The following ING5 variants were observed in gnomAD, a reference collection of about 807,000 sequenced individuals.
The protein encoded by ING5 is inhibitor of growth family member 5, also known as inhibitor of growth protein 5.
A neutral mutation model predicts 37.4 loss-of-function variants in ING5; 17 were observed. The observed-to-expected ratio is 0.45, with a 90% confidence interval of 0.31 to 0.68. ING5 has a LOEUF of 0.68. Ranked by LOEUF, ING5 falls within the 30% of genes least tolerant of loss-of-function variation. ING5 has a pLI of 0.05. For synonymous variants in ING5, 123 were observed against 116.6 expected, an observed-to-expected ratio of 1.06 and a Z score of -0.36; for missense variants, 233 against 311.9, an observed-to-expected ratio of 0.75 and a Z score of 1.91.
rs1387128227 is a variant in ING5, at chr2:241,729,209, A to G, written c.*4178A>G. ...GAAGTGTAAGAAAATGTTCCCATTC[A>G]GGAGAGATTGTGTTGGAGTTTCTTT... On this transcript the variant is annotated 3_prime_UTR_variant, in exon 8 of 8. Transcript: ENST00000313552. 3 of 152,686 alleles carry G rather than the reference A, an allele frequency of 2.0e-5. No individual in the cohort carries two copies. The highest frequency in any genetic ancestry group is 6.5e-5 in the Admixed American group (1 of 15,290). 9.5% of individuals were successfully genotyped at this position (152,686 alleles called of 1,614,324 possible). A position where few individuals can be genotyped will look rare whatever the true frequency, so the allele number is the denominator to read the frequency against.
chr2:241,702,006 G>A, upstream of ING5: 4 of 1,258,186 alleles, frequency 3.2e-6, no homozygotes, highest in South Asian at 3.9e-5. Flanking sequence ...GCACCGCCCC[G>A]CCCCCGCCTC....
intron 5 of ING5, among the ~76,000 whole-genome samples, chr2:241,714,771 T>G (rs1006943364): frequency 1.3e-5 from 2 of 152,170 alleles, no homozygotes; most frequent in Admixed American, 6.5e-5. Context: ...GCCTGGCTAA[T>G]TTTTTGTAGA....
intron 5 of ING5, chr2:241,720,501 G>T: frequency 2.0e-6 from 2 of 999,628 alleles, no homozygotes; most frequent in Non-Finnish European, 2.4e-6. Context: ...GCTGCCCCCT[G>T]CACTGTTGCT....
At chr2:241,690,933 A>G (rs1386969866) in intron 2 of ING5, among the ~76,000 whole-genome samples, 1 of 151,072 alleles carries the variant, frequency 6.6e-6, no homozygotes, top group African/African-American at 2.4e-5. Flanking sequence ...CAGCCTCCCA[A>G]GTAGCTGGGA....
In ING5 at chr2:241,728,948, T is replaced by C. The variant is rs368384382; in HGVS notation, c.*3917T>C. 1.6e-4 allele frequency: 25 copies of C among 152,364 alleles called. No individual in the cohort carries two copies. The highest frequency in any genetic ancestry group is 5.8e-4 in the African/African-American group (24 of 41,584). The allele number at this position is 152,364 out of a possible 1,614,324, so 9.4% of individuals were successfully genotyped here. A position where few individuals can be genotyped will look rare whatever the true frequency, so the allele number is the denominator to read the frequency against. On this transcript the variant is annotated 3_prime_UTR_variant, in exon 8 of 8. Transcript: ENST00000313552. The stretch of plus-strand genomic sequence containing the variant: ...CAGCCCTGCCGGACTTGGCCTCCTG[T>C]CCTGTCGTTGGGAGCCCTGGCTGGG...
At chr2:241,719,127 G>A (rs1012063328) in intron 5 of ING5, among the ~76,000 whole-genome samples, 3 of 152,218 alleles carry the variant, frequency 2.0e-5, no homozygotes, top group African/African-American at 7.2e-5. Flanking sequence ...CTGCCCCAGC[G>A]GCTTCCACAG....
chr2:241,722,182 G>A, intron 5 of ING5: 4 of 985,416 alleles, frequency 4.1e-6, no homozygotes, highest in Non-Finnish European at 4.8e-6. Flanking sequence ...GACTGTGCGG[G>A]CTGCTCTGAC....
At chr2:241,721,071 A>G (rs1351473266) in intron 5 of ING5, 9 of 985,492 alleles carry the variant, frequency 9.1e-6, no homozygotes, top group Non-Finnish European at 1.1e-5. Flanking sequence ...CTTTGTGGAC[A>G]GAATTGGACT....
chr2:241,720,158 G>C, intron 5 of ING5: 1 of 1,236,866 alleles, frequency 8.1e-7, no homozygotes, highest in Non-Finnish European at 1.0e-6. Flanking sequence ...TGGCCTGCCG[G>C]GGCGGGAGTG....
At chr2:241,720,083 G>T in intron 5 of ING5, 1 of 1,242,670 alleles carries the variant, frequency 8.0e-7, no homozygotes, top group Non-Finnish European at 1.0e-6. Context: ...CTTCCAGAGG[G>T]ACAGGAGGAT....
chr2:241,727,263 T>TAA lies in ING5; in HGVS notation c.*2233_*2234dup, dbSNP rs1474983703. On this transcript the variant is annotated 3_prime_UTR_variant, in exon 8 of 8. Coordinates refer to ENST00000313552, the MANE Select transcript of ING5 (RefSeq NM_032329.6). ...GGAGATGAATTTTCATTTAATGACT[T>TAA]AACTTTTTGTTAGCACAGGTTTTGT... 2 of 152,174 alleles carry TAA rather than the reference T, an allele frequency of 1.3e-5. No homozygotes were observed. The highest frequency in any genetic ancestry group is 4.8e-5 in the African/African-American group (2 of 41,444). The allele number at this position is 152,174 out of a possible 1,614,324, so 9.4% of individuals were successfully genotyped here. A position where few individuals can be genotyped will look rare whatever the true frequency, so the allele number is the denominator to read the frequency against.
intron 2 of ING5, among the ~76,000 whole-genome samples, chr2:241,705,394 C>CTTTTTTT (rs774566608): frequency 4.0e-4 from 47 of 117,278 alleles, no homozygotes; most frequent in East Asian, 1.6e-3. Flanking sequence ...CTGTTTTTTT[C>CTTTTTTT]TTTTTTTTTT....
Position 241,712,046 on chromosome 2 carries a change from C to A in ING5, c.457C>A (p.Pro153Thr), listed in dbSNP as rs1244784166. 5.6e-6 allele frequency: 9 copies of A among 1,611,806 alleles called. No homozygotes were observed. The highest frequency in any genetic ancestry group is 7.6e-6 in the Non-Finnish European group (9 of 1,179,024). The part of the protein sequence containing the change: ...RGRRTSEEDT[P>T]KKKKHKGGSE... ...CAGGAGGACATCAGAGGAAGACACACCAAAGAAAAAGAAGCACAAAGGAGG... is the reference window on the plus strand; with the variant it reads ...CAGGAGGACATCAGAGGAAGACACAACAAAGAAAAAGAAGCACAAAGGAGG... Residue 153 changes from proline (P) to threonine (T), a missense_variant, in exon 5 of 8, where the codon CCA (proline) becomes ACA (threonine). Coordinates refer to ENST00000313552, the MANE Select transcript of ING5 (RefSeq NM_032329.6).
At chr2:241,719,492 C>T (rs1006891844) in intron 5 of ING5, 15 of 1,440,252 alleles carry the variant, frequency 1.0e-5, no homozygotes, top group East Asian at 4.9e-5. Context: ...GTGGCAACAG[C>T]GTTCTGAGTC....
intron 1 of ING5, among the ~76,000 whole-genome samples, chr2:241,688,599 C>T (rs1280689914): frequency 6.6e-6 from 1 of 152,082 alleles, no homozygotes; most frequent in Non-Finnish European, 1.5e-5. Context: ...CAGTTATGCC[C>T]TTTCTTCCTT....
At chr2:241,717,164 T>C (rs1186341778) in intron 5 of ING5, among the ~76,000 whole-genome samples, 2 of 151,730 alleles carry the variant, frequency 1.3e-5, no homozygotes, top group Admixed American at 1.3e-4. Context: ...AACCTCTGCC[T>C]CCCAGGTTCA....
intron 1 of ING5, among the ~76,000 whole-genome samples, chr2:241,702,732 G>A (rs1042816691): frequency 2.4e-4 from 36 of 152,256 alleles, no homozygotes; most frequent in African/African-American, 8.7e-4. Context: ...GGCGCCCCCA[G>A]CGGCTGAGCG....
exon 1 of ING5, chr2:241,687,385 T>C: frequency 2.5e-6 from 1 of 398,950 alleles, no homozygotes; most frequent in African/African-American, 2.1e-5. Flanking sequence ...GGAAACGCTG[T>C]GTTTGACAGC....
chr2:241,722,339 A>T (rs867140982), intron 5 of ING5: 5 of 985,156 alleles, frequency 5.1e-6, no homozygotes, highest in Middle Eastern at 5.2e-4. Context: ...TCCCCGGGGG[A>T]GTCCTGTCTG....
Sources: allele counts gnomAD v4.1 joint callset (sites outside exome capture counted in the v4.1 genomes callset), GRCh38; gene constraint gnomAD v4.1.1; transcripts MANE v1.5; gene names NCBI Gene and HGNC (gene_info 2026-07-23, HGNC 2026-07-21).